UNC13C: variants seen among roughly 807,000 people sequenced by gnomAD.
The protein encoded by UNC13C is unc-13 homolog C, also known as protein unc-13 homolog C.
A neutral mutation model predicts 245.4 loss-of-function variants in UNC13C; 174 were observed. The ratio of observed to expected loss-of-function variants is 0.71; its 90% CI spans 0.63 to 0.80. The LOEUF is 0.80. UNC13C is among the 30% of genes least tolerant of loss of function. The pLI is 0.00. For missense variants in UNC13C, 2,829 were observed against 2,602.9 expected, an observed-to-expected ratio of 1.09 and a Z score of -1.89; for synonymous variants, 992 against 895.1, an observed-to-expected ratio of 1.11 and a Z score of -1.93.
chr15:54,442,680 GA>G (rs1890595541), intron 19 of UNC13C, among the ~76,000 whole-genome samples: 3 of 152,140 alleles, frequency 2.0e-5, no homozygotes, highest in Admixed American at 2.0e-4. Context: ...CATCCATTGA[GA>G]TGATCTTTTT....
intron 30 of UNC13C, among the ~76,000 whole-genome samples, chr15:54,585,719 G>A (rs1016607729): frequency 3.3e-5 from 5 of 152,192 alleles, no homozygotes; most frequent in African/African-American, 1.2e-4. Flanking sequence ...AAACCAGAGT[G>A]AGATGCACGT....
At chr15:53,954,610 G>A in the UNC13C span, among the ~76,000 whole-genome samples, 2 of 152,186 alleles carry the variant, frequency 1.3e-5, no homozygotes, top group African/African-American at 2.4e-5. Flanking sequence ...GCTATTGAGT[G>A]AGCTGCCCAG....
the UNC13C span, among the ~76,000 whole-genome samples, chr15:53,933,114 C>A: frequency 6.6e-6 from 1 of 152,142 alleles, no homozygotes; most frequent in African/African-American, 2.4e-5. Flanking sequence ...TTCTCTTCAA[C>A]TCTAAATCTA....
intron 19 of UNC13C, among the ~76,000 whole-genome samples, chr15:54,449,727 C>T (rs1057102470): frequency 3.9e-5 from 6 of 152,182 alleles, no homozygotes; most frequent in Admixed American, 1.3e-4. Flanking sequence ...CAAACTTCCT[C>T]CTTTAGCTTG....
chr15:54,453,222 T>C (rs1346682802), intron 19 of UNC13C, among the ~76,000 whole-genome samples: 1 of 152,194 alleles, frequency 6.6e-6, no homozygotes, highest in Non-Finnish European at 1.5e-5. Context: ...GGTGGGAATG[T>C]AGACTGCTAG....
rs752615084 is a variant in UNC13C, at chr15:54,436,902, G to A, written c.4933+21835G>A. On this transcript the variant is annotated intron_variant, in intron 19 of 32. Coordinates refer to ENST00000260323, the MANE Select transcript of UNC13C (RefSeq NM_001080534.3). ...AATGCATTTTTGCTATGCAGTTATC[G>A]TATTAATTTTTTAATGAAAAAATTA... Among the ~76,000 whole-genome samples the A allele has an allele frequency of 4.0e-5, 6 of 151,850 alleles. No individual in the cohort carries two copies. The South Asian group carries it at 6.2e-4, about 16-fold the overall frequency.
the UNC13C span, among the ~76,000 whole-genome samples, chr15:53,908,523 A>G: frequency 6.9e-6 from 1 of 145,208 alleles, no homozygotes; most frequent in Non-Finnish European, 1.5e-5. Flanking sequence ...CAGATTACTT[A>G]AGCCCAGAAG....
intron 4 of UNC13C, among the ~76,000 whole-genome samples, chr15:54,209,067 A>T (rs1390514484): frequency 1.3e-5 from 2 of 152,104 alleles, no homozygotes; most frequent in Admixed American, 1.3e-4. Flanking sequence ...CCTGAAAGGA[A>T]GTCTCTCTTG....
intron 2 of UNC13C, among the ~76,000 whole-genome samples, chr15:54,031,256 T>G (rs1896345985): frequency 6.6e-6 from 1 of 152,196 alleles, no homozygotes; most frequent in African/African-American, 2.4e-5. Context: ...GGTGCCGTTT[T>G]TGGATAGCCC....
intron 4 of UNC13C, among the ~76,000 whole-genome samples, chr15:54,155,999 A>T (rs1327526387): frequency 6.6e-6 from 1 of 152,232 alleles, no homozygotes; most frequent in Non-Finnish European, 1.5e-5. Context: ...GATACTAAAT[A>T]TATTAACCTT....
the UNC13C span, among the ~76,000 whole-genome samples, chr15:53,852,777 A>G: frequency 6.6e-6 from 1 of 152,034 alleles, no homozygotes. Context: ...TTTTCTATCT[A>G]TTTTTTAGTT....
At chr15:53,905,332 ATG>A in the UNC13C span, among the ~76,000 whole-genome samples, 1 of 151,538 alleles carries the variant, frequency 6.6e-6, no homozygotes, top group East Asian at 1.9e-4. Flanking sequence ...TGGCAGATGA[ATG>A]TATAAGATTT....
chr15:54,414,898 T>G (rs1289000227), intron 18 of UNC13C, 84 bp from the exon 19 acceptor site: 2 of 786,246 alleles, frequency 2.5e-6, no homozygotes, highest in Non-Finnish European at 4.2e-6. Flanking sequence ...TAATAACTAC[T>G]GTGGTATATA....
At chr15:54,138,951 TA>T in intron 2 of UNC13C, among the ~76,000 whole-genome samples, 1 of 116,486 alleles carries the variant, frequency 8.6e-6, no homozygotes, top group Non-Finnish European at 1.7e-5. Context: ...AAATTTCCCC[TA>T]ATTTTTTTTT....
chr15:53,881,528 A>C, the UNC13C span, among the ~76,000 whole-genome samples: 2 of 152,222 alleles, frequency 1.3e-5, no homozygotes, highest in Non-Finnish European at 2.9e-5. Flanking sequence ...TGCAAAGAAC[A>C]ATCTTCAGAG....
intron 13 of UNC13C, among the ~76,000 whole-genome samples, chr15:54,309,405 C>T (rs189596982): frequency 1.6e-4 from 25 of 151,844 alleles, no homozygotes; most frequent in South Asian, 6.2e-4. Flanking sequence ...TGGATATTAA[C>T]GCTTTATTAA....
At chr15:54,387,252 T>C (rs891884125) in intron 17 of UNC13C, among the ~76,000 whole-genome samples, 5 of 152,180 alleles carry the variant, frequency 3.3e-5, no homozygotes, top group Non-Finnish European at 5.9e-5. Flanking sequence ...CTTGTGGATC[T>C]AGCACCAGTT....
At chr15:53,945,823 A>G in the UNC13C span, among the ~76,000 whole-genome samples, 2 of 152,160 alleles carry the variant, frequency 1.3e-5, no homozygotes, top group African/African-American at 2.4e-5. Context: ...TTGAATCTAT[A>G]ATACTGCTTT....
chr15:53,849,362 G>T, the UNC13C span, among the ~76,000 whole-genome samples: 1 of 151,558 alleles, frequency 6.6e-6, no homozygotes, highest in Non-Finnish European at 1.5e-5. Context: ...TTATTTATAT[G>T]TCTCTATTAG....
Sources: allele counts gnomAD v4.1 joint callset (sites outside exome capture counted in the v4.1 genomes callset), GRCh38; gene constraint gnomAD v4.1.1; transcripts MANE v1.5; gene names NCBI Gene and HGNC (gene_info 2026-07-23, HGNC 2026-07-21).